TBL1X: variants seen among roughly 807,000 people sequenced by gnomAD.
TBL1X encodes the protein transducin beta like 1 X-linked, also known as F-box-like/WD repeat-containing protein TBL1X.
In TBL1X, 10 loss-of-function variants were observed where a neutral mutation model predicts 50.7. The observed-to-expected ratio is 0.20, with a 90% CI of 0.12 to 0.33. TBL1X has a LOEUF of 0.33. TBL1X is among the 10% of genes least tolerant of loss of function. The pLI, the probability that TBL1X is intolerant of heterozygous loss-of-function variation, is 1.00. For missense variants in TBL1X, 340 were observed against 504.4 expected (o/e 0.67, Z 3.12); for synonymous variants, 190 against 214.7 (o/e 0.88, Z 1.01).
At chrX:9,681,021 C>T (rs2083022331) in intron 5 of TBL1X, among the ~76,000 whole-genome samples, 1 of 112,320 alleles carries the variant, frequency 8.9e-6, no homozygotes. Context: ...GTTGTCCACA[C>T]GATCTAGAAA....
chrX:9,510,184 A>G (rs769812601), intron 2 of TBL1X, among the ~76,000 whole-genome samples: 13 of 111,465 alleles, frequency 1.2e-4, no homozygotes, highest in Non-Finnish European at 2.1e-4. Context: ...TGGGCATCCT[A>G]CACTGCCCAG....
intron 1 of TBL1X, among the ~76,000 whole-genome samples, chrX:9,472,921 A>AT (rs959870532): frequency 5.4e-5 from 6 of 110,201 alleles, no homozygotes; most frequent in African/African-American, 2.0e-4. Flanking sequence ...TCAAAAAAAA[A>AT]AACAATAATT....
chrX:9,527,061 A>T (rs772689020), intron 2 of TBL1X, among the ~76,000 whole-genome samples: 3 of 112,164 alleles, frequency 2.7e-5, no homozygotes, highest in African/African-American at 9.7e-5. Context: ...GGGCAGGGAG[A>T]TCGCACAGGG....
chrX:9,492,673 G>A (rs966990872), intron 1 of TBL1X, among the ~76,000 whole-genome samples: 7 of 111,400 alleles, frequency 6.3e-5, no homozygotes, highest in African/African-American at 2.3e-4. Context: ...TGTGACTTGT[G>A]CCAGAGGCCT....
At chrX:9,536,748 T>C (rs2082189909) in intron 2 of TBL1X, among the ~76,000 whole-genome samples, 2 of 111,611 alleles carry the variant, frequency 1.8e-5, no homozygotes, top group Admixed American at 9.5e-5. Flanking sequence ...AATTGGGCTG[T>C]CTCCTGGCCA....
chrX:9,665,540 A>ATATATAT lies in TBL1X; in HGVS notation c.211+11218_211+11219insTATATAT, dbSNP rs1569091686. On this transcript the variant is annotated intron_variant, in intron 5 of 17. Transcript: ENST00000645353. Reference sequence around the variant, plus strand: ...ATATATATATATATATATATATATAAAAGGCCTTGGTGCTTTTTCGCTTCT... The same window carrying ATATATAT: ...ATATATATATATATATATATATATAATATATATAAGGCCTTGGTGCTTTTTCGCTTCT... Among the ~76,000 whole-genome samples, 9 of 32,943 alleles carry ATATATAT rather than the reference A, an allele frequency of 2.7e-4. 1 individual carries two copies. Among genetic ancestry groups the ATATATAT allele is most frequent in the African/African-American group, 1.0e-3 (9 of 8,877 alleles). 28.6% of individuals were successfully genotyped at this position (32,943 alleles called of 115,157 possible).
intron 2 of TBL1X, among the ~76,000 whole-genome samples, chrX:9,574,669 G>T (rs1228977179): frequency 9.1e-6 from 1 of 109,986 alleles, no homozygotes; most frequent in African/African-American, 3.3e-5. Flanking sequence ...CTTCTGAAAC[G>T]AGCTTCTGTG....
At chrX:9,623,685 T>TCAAA (rs201636613) in intron 2 of TBL1X, among the ~76,000 whole-genome samples, 3,304 of 111,310 alleles carry the variant, frequency 0.03, 141 homozygotes, top group African/African-American at 0.1. Flanking sequence ...AGACCCTGTC[T>TCAAA]CAAACAAACA....
intron 12 of TBL1X, among the ~76,000 whole-genome samples, chrX:9,704,400 C>T (rs1476452218): frequency 2.7e-5 from 3 of 111,881 alleles, no homozygotes; most frequent in East Asian, 5.6e-4. Context: ...GCAGGCAGGG[C>T]GGCCCTCTCA....
At chrX:9,665,527 AT>A (rs2082925144) in intron 5 of TBL1X, among the ~76,000 whole-genome samples, 2 of 52,860 alleles carry the variant, frequency 3.8e-5, no homozygotes, top group Non-Finnish European at 6.9e-5. Context: ...ATATATATAT[AT>A]ATATATATAT....
chrX:9,592,257 A>G (rs1234863757), intron 2 of TBL1X, among the ~76,000 whole-genome samples: 1 of 111,436 alleles, frequency 9.0e-6, no homozygotes, highest in Non-Finnish European at 1.9e-5. Context: ...CCTTTTTTCC[A>G]AGCATGCACT....
chrX:9,539,093 T>C (rs1283215206), intron 2 of TBL1X, among the ~76,000 whole-genome samples: 2 of 112,384 alleles, frequency 1.8e-5, no homozygotes, highest in African/African-American at 3.2e-5. Context: ...TGTGAATCTT[T>C]TGGTGGCCAA....
At chrX:9,552,217 T>C (rs770476931) in intron 2 of TBL1X, among the ~76,000 whole-genome samples, 6 of 111,369 alleles carry the variant, frequency 5.4e-5, no homozygotes, top group Admixed American at 9.5e-5. Flanking sequence ...GGTGGCCGCG[T>C]AGGCATTGAG....
chrX:9,578,203 C>T (rs2082422510), intron 2 of TBL1X, among the ~76,000 whole-genome samples: 1 of 111,641 alleles, frequency 9.0e-6, no homozygotes, highest in African/African-American at 3.3e-5. Flanking sequence ...CTTTGCAAAC[C>T]AGCCCTGTTA....
intron 5 of TBL1X, 87 bp downstream of exon 5, chrX:9,654,409 G>A: frequency 1.0e-6 from 1 of 958,699 alleles, no homozygotes; most frequent in Non-Finnish European, 1.4e-6. Context: ...AAACCAGGCT[G>A]TAGAAGAAGA....
chrX:9,552,936 A>T (rs2082277727), intron 2 of TBL1X, among the ~76,000 whole-genome samples: 1 of 111,639 alleles, frequency 9.0e-6, no homozygotes, highest in Non-Finnish European at 1.9e-5. Context: ...TGAGCCCAGG[A>T]GTTCAAGGCC....
chrX:9,663,180 A>C (rs898559903), intron 5 of TBL1X, among the ~76,000 whole-genome samples: 1 of 111,553 alleles, frequency 9.0e-6, no homozygotes, highest in Non-Finnish European at 1.9e-5. Flanking sequence ...ATAGTCCCAT[A>C]TAAGTGTTTG....
intron 2 of TBL1X, chrX:9,531,042 A>G (rs1360673624): frequency 9.0e-6 from 1 of 111,703 alleles, no homozygotes; most frequent in African/African-American, 3.3e-5. Flanking sequence ...GCATTGCATT[A>G]AGAGAATGCA....
intron 1 of TBL1X, among the ~76,000 whole-genome samples, chrX:9,475,457 G>T (rs780508160): frequency 9.1e-6 from 1 of 110,136 alleles, no homozygotes; most frequent in African/African-American, 3.3e-5. Flanking sequence ...TGTTGGCCAG[G>T]CTGGTTTCGA....
Sources: gnomAD v4.1 joint callset for allele counts (sites outside exome capture counted in the v4.1 genomes callset) on GRCh38, gnomAD v4.1.1 for gene constraint, MANE v1.5 for transcripts, NCBI Gene and HGNC (gene_info 2026-07-23, HGNC 2026-07-21) for gene names.